The following UGGT2 variants were observed in gnomAD, a reference collection of about 807,000 sequenced individuals.
UGGT2 encodes UDP-glucose glycoprotein glucosyltransferase 2.
A neutral mutation model predicts 192.1 loss-of-function variants in UGGT2; 180 were observed. The observed-to-expected ratio is 0.94, with a 90% CI of 0.83 to 1.06. UGGT2 has a LOEUF of 1.06. Among genes scored for constraint, UGGT2 ranks in the 50% least tolerant of loss-of-function variants. The probability of loss-of-function intolerance (pLI) is 0.00; values close to 1 mark genes in which losing one functional copy is unlikely to be tolerated. For synonymous variants in UGGT2, 580 were observed against 591.0 expected, an observed-to-expected ratio of 0.98 and a Z score of 0.27; for missense variants, 1,849 against 1,795.7, an observed-to-expected ratio of 1.03 and a Z score of -0.54.
Position 95,911,265 on chromosome 13 carries a change from T to C in UGGT2, c.2296-8205A>G, listed in dbSNP as rs143486322. Among the ~76,000 whole-genome samples the C allele has an allele frequency of 9.2e-3, 1,403 of 151,872 alleles. 24 individuals are homozygous for C. The highest frequency in any genetic ancestry group is 0.032 in the African/African-American group (1,338 of 41,428). On this transcript the variant is annotated intron_variant, in intron 20 of 38. Transcript: ENST00000376747. ...AGCAGAACTGAAGGAGATAGAGACA[T>C]AAAAAACCCTTCAAAAAATCAATGA...
At chr13:95,944,413 A>T (rs2049795672) in intron 15 of UGGT2, among the ~76,000 whole-genome samples, 1 of 152,060 alleles carries the variant, frequency 6.6e-6, no homozygotes, top group African/African-American at 2.4e-5. Context: ...TCCATTGAGA[A>T]GTGGGTATAT....
rs145703752 is a variant in UGGT2, at chr13:95,938,131, G to A, written c.1813-1043C>T. ...ATGATTGTGAGGTTTCCCCAGCCACGTGGAACTGTAAGTCCATTAAACCAC... is the reference window on the plus strand; with the variant it reads ...ATGATTGTGAGGTTTCCCCAGCCACATGGAACTGTAAGTCCATTAAACCAC... On this transcript the variant is annotated intron_variant, in intron 16 of 38. Coordinates refer to ENST00000376747, the MANE Select transcript of UGGT2 (RefSeq NM_020121.4). 1.7e-3 allele frequency among the ~76,000 whole-genome samples: 252 copies of A among 152,290 alleles called. 3 individuals are homozygous for A. In the East Asian group the frequency reaches 0.022, roughly 13 times the overall value.
At chr13:95,938,202 C>T (rs1050066321) in intron 16 of UGGT2, among the ~76,000 whole-genome samples, 3 of 152,050 alleles carry the variant, frequency 2.0e-5, no homozygotes, top group South Asian at 2.1e-4. Flanking sequence ...TTATCAGCAG[C>T]GTGAAAATGG....
intron 1 of UGGT2, among the ~76,000 whole-genome samples, chr13:96,045,808 T>C (rs1010402997): frequency 5.3e-5 from 8 of 152,052 alleles, no homozygotes; most frequent in Admixed American, 2.0e-4. Flanking sequence ...CAAGGAAAAC[T>C]ACAAAACACT....
chr13:95,865,607 T>G (rs1262216092), intron 30 of UGGT2, among the ~76,000 whole-genome samples: 2 of 152,142 alleles, frequency 1.3e-5, no homozygotes, highest in Non-Finnish European at 1.5e-5. Flanking sequence ...GAGGCTGCAG[T>G]GAGCCAAGAT....
intron 37 of UGGT2, among the ~76,000 whole-genome samples, chr13:95,833,355 T>G (rs3213931): frequency 0.13 from 19,114 of 152,152 alleles, 1,425 homozygotes; most frequent in East Asian, 0.34. Context: ...CTAATTACAT[T>G]ACCACTATGT....
intron 11 of UGGT2, 81 bp downstream of exon 11, chr13:95,972,499 A>T: frequency 4.9e-6 from 6 of 1,231,232 alleles, no homozygotes; most frequent in Non-Finnish European, 6.9e-6. Flanking sequence ...TGATCTTCAT[A>T]TTTTGACTTA....
intron 26 of UGGT2, among the ~76,000 whole-genome samples, chr13:95,886,252 G>C (rs1446787454): frequency 6.6e-6 from 1 of 152,160 alleles, no homozygotes; most frequent in Non-Finnish European, 1.5e-5. Context: ...TCTCTGAGAA[G>C]AATAAATTTA....
chr13:96,007,565 C>G (rs1436268125), intron 5 of UGGT2, among the ~76,000 whole-genome samples: 2 of 151,926 alleles, frequency 1.3e-5, no homozygotes, highest in African/African-American at 4.8e-5. Flanking sequence ...AAGACTCCAC[C>G]AAAAAACTGT....
intron 36 of UGGT2, among the ~76,000 whole-genome samples, chr13:95,851,987 C>G (rs1328229461): frequency 6.6e-6 from 1 of 151,922 alleles, no homozygotes; most frequent in East Asian, 1.9e-4. Context: ...TACTGAGGAC[C>G]CTAAGTCAGT....
intron 1 of UGGT2, among the ~76,000 whole-genome samples, chr13:96,036,886 T>C (rs12860877): frequency 0.43 from 65,197 of 151,868 alleles, 14,243 homozygotes; most frequent in Non-Finnish European, 0.46. Context: ...ACTTAAGTAG[T>C]TGGGACTACA....
intron 12 of UGGT2, among the ~76,000 whole-genome samples, chr13:95,953,008 TTAAG>T (rs536296258): frequency 3.2e-4 from 49 of 152,204 alleles, no homozygotes; most frequent in Non-Finnish European, 6.5e-4. Context: ...TTATTATACT[TTAAG>T]TTTTTTAAAT....
intron 12 of UGGT2, among the ~76,000 whole-genome samples, chr13:95,958,080 T>C (rs531368649): frequency 1.3e-5 from 2 of 152,296 alleles, no homozygotes; most frequent in East Asian, 3.9e-4. Flanking sequence ...TTATCCTGAA[T>C]CTGAAGTTTC....
intron 5 of UGGT2, among the ~76,000 whole-genome samples, chr13:96,012,104 T>C (rs1566823358): frequency 6.6e-6 from 1 of 152,086 alleles, no homozygotes; most frequent in African/African-American, 2.4e-5. Context: ...TTGTGTAGAA[T>C]AGACATATAT....
chr13:95,987,406 C>A (rs2051322589), intron 8 of UGGT2, among the ~76,000 whole-genome samples: 1 of 152,142 alleles, frequency 6.6e-6, no homozygotes, highest in Non-Finnish European at 1.5e-5. Flanking sequence ...TAGAACTAAG[C>A]TGACTATGCA....
At chr13:95,881,913 C>CT (rs71113958) in intron 27 of UGGT2, among the ~76,000 whole-genome samples, 57,626 of 144,204 alleles carry the variant, frequency 0.4, 11,261 homozygotes, top group Middle Eastern at 0.43. Context: ...TCACTTTTAG[C>CT]TTTTTTTTTT....
At chr13:96,050,945 C>T (rs1051915592) in intron 1 of UGGT2, among the ~76,000 whole-genome samples, 2 of 152,194 alleles carry the variant, frequency 1.3e-5, no homozygotes, top group Non-Finnish European at 2.9e-5. Context: ...GGATGTAGGA[C>T]TAGAAATACC....
chr13:95,883,698 G>A (rs548618979), intron 27 of UGGT2, among the ~76,000 whole-genome samples: 7 of 152,146 alleles, frequency 4.6e-5, no homozygotes, highest in Admixed American at 1.3e-4. Flanking sequence ...CTAGCCATGC[G>A]AAACTGTGAG....
intron 38 of UGGT2, among the ~76,000 whole-genome samples, chr13:95,807,716 C>CTTTTTCTTGCACCCTTCCTCCCCTTT (rs1884378201): frequency 1.3e-5 from 1 of 78,706 alleles, no homozygotes. Context: ...CAGCCCTCAC[C>CTTTTTCTTGCACCCTTCCTCCCCTTT]TTTTTTTTTT....
Sources: allele counts gnomAD v4.1 joint callset (sites outside exome capture counted in the v4.1 genomes callset), GRCh38; gene constraint gnomAD v4.1.1; transcripts MANE v1.5; gene names NCBI Gene and HGNC (gene_info 2026-07-23, HGNC 2026-07-21).